COL24A1: variants seen among roughly 807,000 people sequenced by gnomAD.
COL24A1 encodes the protein collagen type XXIV alpha 1 chain, also known as collagen alpha-1(XXIV) chain.
In COL24A1, 224 loss-of-function variants were observed where a neutral mutation model predicts 253.9. The ratio of observed to expected loss-of-function variants is 0.88; its 90% CI spans 0.79 to 0.99. The LOEUF (loss-of-function observed/expected upper bound fraction) is 0.99. Ranked by LOEUF, COL24A1 falls within the 50% of genes least tolerant of loss-of-function variation. The probability of loss-of-function intolerance (pLI) is 0.00; values close to 1 mark genes in which losing one functional copy is unlikely to be tolerated. For synonymous variants in COL24A1, 685 were observed against 673.7 expected (o/e 1.02, Z -0.26); for missense variants, 2,131 against 2,068.5 (o/e 1.03, Z -0.59).
chr1:86,042,896 C>A (rs1301459902), intron 12 of COL24A1, among the ~76,000 whole-genome samples: 2 of 152,034 alleles, frequency 1.3e-5, no homozygotes, highest in African/African-American at 4.8e-5. Flanking sequence ...ACTATTTTTG[C>A]AAACTATTCA....
chr1:85,957,916 A>G (rs566182877), intron 24 of COL24A1, among the ~76,000 whole-genome samples: 7 of 152,328 alleles, frequency 4.6e-5, no homozygotes, highest in African/African-American at 1.7e-4. Context: ...CACTAGTATC[A>G]TCTCACATAC....
In COL24A1 at chr1:86,046,809, A is replaced by C. The variant is rs781056396; in HGVS notation, c.1950+16T>G. On this transcript the variant is annotated intron_variant, in intron 12 of 59. Transcript: ENST00000370571. Reference sequence around the variant, plus strand: ...ATTGCTGTAAAATAAACCTCAAAAAACACAAATTAAGATACCTGTCTCCCC... The same window carrying C: ...ATTGCTGTAAAATAAACCTCAAAAACCACAAATTAAGATACCTGTCTCCCC... 2 of 1,611,790 alleles carry C rather than the reference A, an allele frequency of 1.2e-6. No homozygotes were observed. The highest frequency in any genetic ancestry group is 1.7e-6 in the Non-Finnish European group (2 of 1,178,278).
intron 24 of COL24A1, among the ~76,000 whole-genome samples, chr1:85,952,478 GAGAGTA>G (rs1196912979): frequency 6.6e-6 from 1 of 152,218 alleles, no homozygotes; most frequent in Non-Finnish European, 1.5e-5. Context: ...TTTCTGATTT[GAGAGTA>G]AGAGTTGAAG....
At chr1:85,825,542 A>C (rs903727880) in intron 43 of COL24A1, among the ~76,000 whole-genome samples, 1 of 151,940 alleles carries the variant, frequency 6.6e-6, no homozygotes, top group Admixed American at 6.6e-5. Context: ...TCCCACCAAC[A>C]GTGTAAAAGT....
At chr1:86,030,848 T>C (rs1698508681) in intron 14 of COL24A1, among the ~76,000 whole-genome samples, 2 of 151,912 alleles carry the variant, frequency 1.3e-5, no homozygotes, top group Admixed American at 1.3e-4. Context: ...CCCTCCTGCC[T>C]TGGCCTCCTA....
At chr1:86,128,877 G>T (rs1648728846) in intron 2 of COL24A1, among the ~76,000 whole-genome samples, 1 of 151,824 alleles carries the variant, frequency 6.6e-6, no homozygotes, top group Admixed American at 6.6e-5. Flanking sequence ...TTGACTAATA[G>T]TTTTATGTAG....
intron 24 of COL24A1, among the ~76,000 whole-genome samples, chr1:85,939,297 G>A (rs1438854601): frequency 1.3e-5 from 2 of 152,144 alleles, no homozygotes; most frequent in African/African-American, 4.8e-5. Context: ...ACTTATGCTT[G>A]ATGGACACAA....
chr1:85,832,856 A>C (rs538676347), intron 43 of COL24A1, among the ~76,000 whole-genome samples: 1 of 150,738 alleles, frequency 6.6e-6, no homozygotes, highest in African/African-American at 2.5e-5. Flanking sequence ...TAGATATACA[A>C]TCATGTCATC....
At chr1:85,797,723 G>A (rs1570657241) in intron 47 of COL24A1, among the ~76,000 whole-genome samples, 1 of 152,264 alleles carries the variant, frequency 6.6e-6, no homozygotes, top group East Asian at 1.9e-4. Flanking sequence ...GGTTTTGTGA[G>A]GGTTAAATCA....
intron 7 of COL24A1, among the ~76,000 whole-genome samples, chr1:86,078,058 A>G (rs960449053): frequency 5.9e-5 from 9 of 152,080 alleles, no homozygotes; most frequent in South Asian, 4.1e-4. Flanking sequence ...TCAACAAAAT[A>G]CTCACAAACT....
At chr1:85,983,538 C>T (rs1693444535) in intron 20 of COL24A1, among the ~76,000 whole-genome samples, 1 of 151,948 alleles carries the variant, frequency 6.6e-6, no homozygotes, top group South Asian at 2.1e-4. Flanking sequence ...AAATTGTTTG[C>T]AAATAGGGTA....
chr1:86,145,979 C>T, intron 2 of COL24A1, 140 bp downstream of exon 2: 1 of 558,908 alleles, frequency 1.8e-6, no homozygotes, highest in Non-Finnish European at 3.0e-6. Context: ...TTTAATCTTA[C>T]ATTCTCATGG....
chr1:85,927,905 G>C (rs1378841070), intron 24 of COL24A1, among the ~76,000 whole-genome samples: 1 of 137,472 alleles, frequency 7.3e-6, no homozygotes, highest in Admixed American at 7.4e-5. Flanking sequence ...AAACCAGAAA[G>C]GACATCTACA....
At chr1:85,834,071 C>G (rs1041817005) in intron 43 of COL24A1, among the ~76,000 whole-genome samples, 1 of 151,342 alleles carries the variant, frequency 6.6e-6, no homozygotes, top group African/African-American at 2.4e-5. Flanking sequence ...ACATATGTAA[C>G]AAACCTGTAC....
chr1:85,767,570 G>T (rs981087460), intron 53 of COL24A1, among the ~76,000 whole-genome samples: 1 of 151,804 alleles, frequency 6.6e-6, no homozygotes, highest in Non-Finnish European at 1.5e-5. Context: ...TGATTAAAAA[G>T]GTATTTAGTA....
In COL24A1 at chr1:85,911,441, GA is replaced by G. The variant is rs559188624; in HGVS notation, c.2563-9del. On this transcript the variant is annotated splice_polypyrimidine_tract_variant and intron_variant, in intron 24 of 59. Coordinates refer to ENST00000370571, the MANE Select transcript of COL24A1 (RefSeq NM_152890.7). The stretch of plus-strand genomic sequence containing the variant: ...AGGTAAGCCAACAGGTCCCTTTTAG[GA>G]AAAAAAAATAACAGAAAATACACAC... 121 of 1,585,066 alleles carry G rather than the reference GA, an allele frequency of 7.6e-5. No individual in the cohort carries two copies. The highest frequency in any genetic ancestry group is 1.6e-4 in the Admixed American group (9 of 58,062).
chr1:85,981,980 C>A (rs1693299289), intron 20 of COL24A1, among the ~76,000 whole-genome samples: 1 of 152,092 alleles, frequency 6.6e-6, no homozygotes, highest in African/African-American at 2.4e-5. Context: ...AGGTTCATTG[C>A]AGCTTTATTC....
At position 86,092,301 on chromosome 1, in the gene COL24A1, C is replaced by CCTGGAT; in HGVS notation, c.1613_1618dup (p.Asp538_Pro539dup). 6 of 1,606,224 alleles carry CCTGGAT rather than the reference C, an allele frequency of 3.7e-6. No homozygotes were observed. Among genetic ancestry groups the CCTGGAT allele is most frequent in the Non-Finnish European group, 5.1e-6 (6 of 1,174,280 alleles). ...AGGAACAGGTTGACCTGGGGAAAAT[C>CCTGGAT]CTGGATCTCCTTTGGGGCCCTAAAT... On this transcript the variant is annotated inframe_insertion, in exon 6 of 60. Transcript: ENST00000370571.
chr1:85,818,166 C>A, intron 45 of COL24A1, 79 bp from the exon 46 acceptor site: 5 of 1,107,710 alleles, frequency 4.5e-6, no homozygotes, highest in Non-Finnish European at 6.9e-6. Context: ...ACACTGAGAC[C>A]TGGACGCTGC....
Sources: allele counts gnomAD v4.1 joint callset (sites outside exome capture counted in the v4.1 genomes callset), GRCh38; gene constraint gnomAD v4.1.1; transcripts MANE v1.5; gene names NCBI Gene and HGNC (gene_info 2026-07-23, HGNC 2026-07-21).